Variants in HLCS observed in about 807,000 individuals in gnomAD.
HLCS encodes holocarboxylase synthetase.
HLCS carries 53 observed loss-of-function variants against 75.0 expected under a neutral mutation model. That is an observed-to-expected ratio of 0.71 (90% confidence interval 0.57 to 0.89). The LOEUF (loss-of-function observed/expected upper bound fraction) is 0.89, where lower values mean the gene tolerates loss of function less well. Among genes scored for constraint, HLCS ranks in the 40% least tolerant of loss-of-function variants. The pLI, the probability that HLCS is intolerant of heterozygous loss-of-function variation, is 0.00. For missense variants in HLCS, 966 were observed against 1,074.0 expected (o/e 0.90, Z 1.41); for synonymous variants, 431 against 428.6 (o/e 1.01, Z -0.07).
At chr21:36,961,202 A>C (rs151122110) in intron 2 of HLCS, among the ~76,000 whole-genome samples, 1 of 152,244 alleles carries the variant, frequency 6.6e-6, no homozygotes, top group African/African-American at 2.4e-5. Flanking sequence ...AGAATACTCA[A>C]GGAAAGACGT....
chr21:36,767,399 G>A (rs906198265), intron 6 of HLCS, 114 bp from the exon 7 acceptor site: 2 of 1,020,358 alleles, frequency 2.0e-6, no homozygotes, highest in South Asian at 1.3e-5. Context: ...GGCCATGGAA[G>A]GGCCAACTTT....
chr21:36,832,376 T>C (rs922324314), intron 6 of HLCS, among the ~76,000 whole-genome samples: 1 of 152,216 alleles, frequency 6.6e-6, no homozygotes, highest in Admixed American at 6.5e-5. Flanking sequence ...GATTCTAATA[T>C]AGATCACACA....
intron 6 of HLCS, among the ~76,000 whole-genome samples, chr21:36,838,165 C>A (rs2062478805): frequency 6.6e-6 from 1 of 152,122 alleles, no homozygotes; most frequent in African/African-American, 2.4e-5. Context: ...GAGCCCAACG[C>A]TGGGACGCAG....
At chr21:36,922,716 C>T (rs2066226951) in intron 5 of HLCS, among the ~76,000 whole-genome samples, 2 of 152,164 alleles carry the variant, frequency 1.3e-5, no homozygotes, top group Non-Finnish European at 2.9e-5. Context: ...CTCCTTGCAC[C>T]CCAAGTTGTT....
chr21:36,906,065 C>A (rs59400649), intron 5 of HLCS, among the ~76,000 whole-genome samples: 43,194 of 128,766 alleles, frequency 0.34, 7,919 homozygotes, highest in Middle Eastern at 0.45. Flanking sequence ...AAAAAAAAAA[C>A]AAAACAAAAA....
intron 6 of HLCS, among the ~76,000 whole-genome samples, chr21:36,788,539 T>C (rs567163009): frequency 3.9e-5 from 6 of 152,296 alleles, no homozygotes; most frequent in South Asian, 2.1e-4. Context: ...TCTCATAACG[T>C]TTTTTATGAT....
intron 5 of HLCS, among the ~76,000 whole-genome samples, chr21:36,926,741 CTTTTTTTTTT>C (rs34057978): frequency 7.9e-6 from 1 of 127,068 alleles, no homozygotes; most frequent in Admixed American, 8.8e-5. Context: ...GTCTTGTTTC[CTTTTTTTTTT>C]TTTTTTTTTG....
intron 6 of HLCS, among the ~76,000 whole-genome samples, chr21:36,788,729 A>T (rs1474609913): frequency 6.6e-6 from 1 of 152,188 alleles, no homozygotes; most frequent in African/African-American, 2.4e-5. Context: ...TAAAAACTCA[A>T]AGGAACTTTT....
intron 1 of HLCS, among the ~76,000 whole-genome samples, chr21:36,973,380 G>A (rs528949803): frequency 6.6e-6 from 1 of 151,216 alleles, no homozygotes; most frequent in Non-Finnish European, 1.5e-5. Flanking sequence ...GACAGCTAAA[G>A]CTGAAAAAGC....
intron 10 of HLCS, 133 bp from the exon 11 acceptor site, chr21:36,754,550 G>T: frequency 1.1e-6 from 1 of 889,982 alleles, no homozygotes; most frequent in Middle Eastern, 2.8e-4. Context: ...CAGGGAAAAG[G>T]CAGCCTGGGC....
chr21:36,780,765 C>T (rs1440937060), intron 6 of HLCS, among the ~76,000 whole-genome samples: 1 of 152,140 alleles, frequency 6.6e-6, no homozygotes, highest in Non-Finnish European at 1.5e-5. Context: ...CACTACTGCA[C>T]ACAGCCGCGC....
At chr21:36,898,616 CT>C (rs2065113015) in intron 5 of HLCS, among the ~76,000 whole-genome samples, 1 of 151,860 alleles carries the variant, frequency 6.6e-6, no homozygotes, top group African/African-American at 2.4e-5. Flanking sequence ...TTAGAAGGGG[CT>C]TAAAAGACAT....
intron 8 of HLCS, among the ~76,000 whole-genome samples, chr21:36,764,766 C>G (rs965850490): frequency 7.2e-5 from 11 of 152,190 alleles, no homozygotes; most frequent in South Asian, 2.1e-4. Flanking sequence ...CCTCATCAGG[C>G]TGTTTGAGAA....
chr21:36,780,065 A>G (rs1037452648), intron 6 of HLCS, among the ~76,000 whole-genome samples: 7 of 152,250 alleles, frequency 4.6e-5, no homozygotes, highest in Middle Eastern at 6.8e-3. Flanking sequence ...ACAGAAAGTT[A>G]CCATTTTGTA....
intron 6 of HLCS, among the ~76,000 whole-genome samples, chr21:36,846,645 A>G (rs893230766): frequency 1.3e-5 from 2 of 152,238 alleles, no homozygotes; most frequent in African/African-American, 2.4e-5. Context: ...TTTCAGAACA[A>G]AGAAAATTCT....
At chr21:36,868,612 T>C (rs1025263963) in intron 6 of HLCS, among the ~76,000 whole-genome samples, 1 of 152,038 alleles carries the variant, frequency 6.6e-6, no homozygotes, top group African/African-American at 2.4e-5. Flanking sequence ...TCAATATATC[T>C]TTCCATAAAA....
chr21:36,875,235 C>T (rs1416909134), intron 6 of HLCS, among the ~76,000 whole-genome samples: 1 of 152,182 alleles, frequency 6.6e-6, no homozygotes, highest in Non-Finnish European at 1.5e-5. Flanking sequence ...TGAAACCACA[C>T]CTTCAAGCCT....
chr21:36,836,869 T>C (rs1206468649), intron 6 of HLCS, among the ~76,000 whole-genome samples: 1 of 152,030 alleles, frequency 6.6e-6, no homozygotes, highest in Non-Finnish European at 1.5e-5. Flanking sequence ...AAATTGCCTG[T>C]TGAATGTCAA....
chr21:36,881,648 G>A (rs938033274), intron 6 of HLCS, among the ~76,000 whole-genome samples: 5 of 152,128 alleles, frequency 3.3e-5, no homozygotes, highest in African/African-American at 1.2e-4. Context: ...AACAGGGCAG[G>A]GCATAAAAAG....
Sources: allele counts gnomAD v4.1 joint callset (sites outside exome capture counted in the v4.1 genomes callset), GRCh38; gene constraint gnomAD v4.1.1; transcripts MANE v1.5; gene names NCBI Gene and HGNC (gene_info 2026-07-23, HGNC 2026-07-21).